Variants in NME5 observed in about 807,000 individuals in gnomAD.
NME5 encodes NME/NM23 family member 5, also known as nucleoside diphosphate kinase 5.
Under a neutral mutation model 21.6 loss-of-function variants are expected in NME5, and 18 were observed. That is an observed-to-expected ratio of 0.83 (90% CI 0.58 to 1.24). NME5 has a LOEUF of 1.24. Ranked by LOEUF, NME5 falls within the 50% of genes most tolerant of loss-of-function variation. The pLI, the probability that NME5 is intolerant of heterozygous loss-of-function variation, is 0.00. For synonymous variants in NME5, 70 were observed against 80.6 expected, an observed-to-expected ratio of 0.87 and a Z score of 0.71; for missense variants, 223 against 255.4, an observed-to-expected ratio of 0.87 and a Z score of 0.86.
At position 138,138,801 on chromosome 5, in the gene NME5, A is replaced by G; in HGVS notation, c.-5-16T>C. ...TCCATTATGGCTTTTCAGGGCACAA[A>G]TTAAGAGTTTCTTAACAGGTATCAA... On this transcript the variant is annotated splice_polypyrimidine_tract_variant and intron_variant, in intron 1 of 5. Coordinates refer to ENST00000265191, the MANE Select transcript of NME5 (RefSeq NM_003551.3). 3 of 1,593,524 alleles carry G rather than the reference A, an allele frequency of 1.9e-6. No homozygotes were observed. The highest frequency in any genetic ancestry group is 2.6e-6 in the Non-Finnish European group (3 of 1,174,322).
At chr5:138,131,800 G>T (rs1041076402) in intron 2 of NME5, among the ~76,000 whole-genome samples, 1 of 151,864 alleles carries the variant, frequency 6.6e-6, no homozygotes, top group African/African-American at 2.4e-5. Flanking sequence ...ATAGAGTGCA[G>T]TGGTGTGATC....
At chr5:138,132,833 A>G (rs1489904792) in intron 2 of NME5, among the ~76,000 whole-genome samples, 3 of 152,216 alleles carry the variant, frequency 2.0e-5, no homozygotes, top group Non-Finnish European at 2.9e-5. Context: ...AAATTCATAC[A>G]GCGATTAAAT....
At chr5:138,126,288 T>C (rs779707512) in intron 4 of NME5, among the ~76,000 whole-genome samples, 11 of 151,926 alleles carry the variant, frequency 7.2e-5, no homozygotes, top group Non-Finnish European at 1.3e-4. Context: ...GGTGGGAGTA[T>C]TGCTTGAGCC....
chr5:138,138,764 G>C lies in NME5; in HGVS notation c.17C>G (p.Pro6Arg). The change falls in exon 2 of 6, where the codon CCT becomes CGT. Residue 6 changes from proline (P) to arginine (R), a missense_variant. Physicochemically the swap from Pro to Arg is moderately radical, Grantham distance 103 (BLOSUM62 -2). Coordinates refer to ENST00000265191, the MANE Select transcript of NME5 (RefSeq NM_003551.3). ...TTTTTCTACATATATCTGAGGTGGA[G>C]GCATTGATATCTCCATTATGGCTTT... Reference protein sequence around the residue: MEISMPPPQIYVEKTL... With the variant: MEISMRPPQIYVEKTL... 2 of 1,610,520 alleles carry C rather than the reference G, an allele frequency of 1.2e-6. No individual in the cohort carries two copies. The highest frequency in any genetic ancestry group is 2.2e-5 in the South Asian group (2 of 90,506).
At chr5:138,119,816 T>C (rs1407807361) in intron 4 of NME5, among the ~76,000 whole-genome samples, 1 of 151,986 alleles carries the variant, frequency 6.6e-6, no homozygotes, top group Non-Finnish European at 1.5e-5. Flanking sequence ...GTTGGGATGT[T>C]TCTCTTATTA....
chr5:138,122,469 A>AAAAAAAAAAAAAT (rs1751308423), intron 4 of NME5, among the ~76,000 whole-genome samples: 1 of 131,978 alleles, frequency 7.6e-6, no homozygotes, highest in Non-Finnish European at 1.6e-5. Flanking sequence ...AAAAAAAAAA[A>AAAAAAAAAAAAAT]TTGTGCCTAA....
At chr5:138,135,948 G>A (rs182257154) in intron 2 of NME5, among the ~76,000 whole-genome samples, 1 of 151,994 alleles carries the variant, frequency 6.6e-6, no homozygotes. Flanking sequence ...TTGCTATTTT[G>A]TTCTTTTTGC....
At chr5:138,133,844 C>T (rs1044569190) in intron 2 of NME5, among the ~76,000 whole-genome samples, 11 of 152,024 alleles carry the variant, frequency 7.2e-5, no homozygotes, top group Admixed American at 6.5e-5. Flanking sequence ...AGGGAAGCAA[C>T]GAGTTAGCAT....
rs1751502016 is a variant in NME5, at chr5:138,129,260, T to C, written c.335+3A>G. 1.2e-6 allele frequency: 2 copies of C among 1,605,420 alleles called. No individual in the cohort carries two copies. Among genetic ancestry groups the C allele is most frequent in the Non-Finnish European group, 8.5e-7 (1 of 1,172,206 alleles). ...CTGCCATCCCCCAAACCCTGAAAAT[T>C]ACCTGTCTGGATGTGTCTCCTTCGC... is the stretch of plus-strand genomic sequence containing the variant. On this transcript the variant is annotated splice_donor_region_variant and intron_variant, in intron 3 of 5. Coordinates refer to ENST00000265191, the MANE Select transcript of NME5 (RefSeq NM_003551.3).
At chr5:138,131,181 A>C (rs1345902501) in intron 2 of NME5, among the ~76,000 whole-genome samples, 6 of 147,476 alleles carry the variant, frequency 4.1e-5, no homozygotes, top group African/African-American at 1.5e-4. Context: ...AGCCTGGCCA[A>C]CATGATGAAA....
chr5:138,123,564 A>G (rs1751333977), intron 4 of NME5, among the ~76,000 whole-genome samples: 1 of 152,174 alleles, frequency 6.6e-6, no homozygotes, highest in Non-Finnish European at 1.5e-5. Flanking sequence ...TTAAGGCTGA[A>G]TAGTATTACA....
chr5:138,120,234 T>TG (rs1751255719), intron 4 of NME5, among the ~76,000 whole-genome samples: 1 of 144,066 alleles, frequency 6.9e-6, no homozygotes, highest in African/African-American at 2.6e-5. Flanking sequence ...CCAGCTCTTT[T>TG]TTTTTTTTTT....
intron 4 of NME5, among the ~76,000 whole-genome samples, chr5:138,119,877 T>C (rs1199838253): frequency 6.6e-6 from 1 of 152,014 alleles, no homozygotes; most frequent in Non-Finnish European, 1.5e-5. Context: ...CTTTATATTA[T>C]TTGGTGATAT....
At chr5:138,132,051 G>C (rs1162052456) in intron 2 of NME5, among the ~76,000 whole-genome samples, 1 of 152,090 alleles carries the variant, frequency 6.6e-6, no homozygotes, top group African/African-American at 2.4e-5. Flanking sequence ...GGCCTTGAGA[G>C]CTTTTAAAAA....
chr5:138,138,210 C>A, intron 2 of NME5: 1 of 154,254 alleles, frequency 6.5e-6, no homozygotes, highest in East Asian at 1.9e-4. Context: ...AATAGAAGAT[C>A]AAGTAAATAA....
At chr5:138,122,354 C>T (rs760781199) in intron 4 of NME5, among the ~76,000 whole-genome samples, 15 of 143,890 alleles carry the variant, frequency 1.0e-4, no homozygotes, top group Non-Finnish European at 1.6e-4. Context: ...GCAGGAGAAT[C>T]GCTTGAACCC....
chr5:138,123,398 G>A (rs1751330032), intron 4 of NME5, among the ~76,000 whole-genome samples: 1 of 151,868 alleles, frequency 6.6e-6, no homozygotes, highest in Non-Finnish European at 1.5e-5. Context: ...CAAGCTCCTG[G>A]TGGCCACCAT....
intron 2 of NME5, among the ~76,000 whole-genome samples, chr5:138,136,918 C>T (rs550180493): frequency 3.2e-4 from 49 of 151,910 alleles, no homozygotes; most frequent in African/African-American, 1.1e-3. Flanking sequence ...TTTGGGATTA[C>T]AGGCATGAGC....
intron 2 of NME5, among the ~76,000 whole-genome samples, chr5:138,137,988 G>C (rs558122463): frequency 1.3e-5 from 2 of 152,066 alleles, no homozygotes; most frequent in African/African-American, 4.8e-5. Context: ...CTGGGCTACA[G>C]AGGGAGACTC....
Sources: allele counts gnomAD v4.1 joint callset (sites outside exome capture counted in the v4.1 genomes callset), GRCh38; gene constraint gnomAD v4.1.1; transcripts MANE v1.5; gene names NCBI Gene and HGNC (gene_info 2026-07-23, HGNC 2026-07-21).